Variants in SRPK2 observed in about 807,000 individuals in gnomAD.
SRPK2 encodes SFRS protein kinase 2.
In SRPK2, 21 loss-of-function variants were observed where a neutral mutation model predicts 90.8. That is an observed-to-expected ratio of 0.23 (90% CI 0.16 to 0.33). The LOEUF (loss-of-function observed/expected upper bound fraction) is 0.33, where lower values mean the gene tolerates loss of function less well. SRPK2 is among the 10% of genes least tolerant of loss of function. The probability of loss-of-function intolerance (pLI) is 1.00; values close to 1 mark genes in which losing one functional copy is unlikely to be tolerated. For synonymous variants in SRPK2, 288 were observed against 311.1 expected, an observed-to-expected ratio of 0.93 and a Z score of 0.78; for missense variants, 620 against 869.0, an observed-to-expected ratio of 0.71 and a Z score of 3.60.
Position 105,160,584 on chromosome 7 carries a change from G to A in SRPK2, c.544C>T (p.His182Tyr). Reference sequence around the variant, plus strand: ...TTGATGATCCACTTGAGGAGATGGTGGCCAAGTACTTCGAAGACCATGCAG... The same window carrying A: ...TTGATGATCCACTTGAGGAGATGGTAGCCAAGTACTTCGAAGACCATGCAG... The part of the protein sequence containing the change: ...HVCMVFEVLG[H>Y]HLLKWIIKSN... Residue 182 changes from histidine (H) to tyrosine (Y), a missense_variant, in exon 7 of 16, where the codon CAC becomes TAC. Transcript: ENST00000393651. 1 of 1,613,386 alleles carries A rather than the reference G, an allele frequency of 6.2e-7. No individual in the cohort carries two copies. Among genetic ancestry groups the A allele is most frequent in the South Asian group, 1.1e-5 (1 of 91,056 alleles).
chr7:105,268,485 A>T (rs1235018423), intron 2 of SRPK2, among the ~76,000 whole-genome samples: 2 of 152,206 alleles, frequency 1.3e-5, no homozygotes, highest in Non-Finnish European at 2.9e-5. Context: ...ATTTCCCTTT[A>T]AAAAAGCAAG....
At chr7:105,231,487 C>A (rs1400317746) in intron 2 of SRPK2, among the ~76,000 whole-genome samples, 1 of 152,166 alleles carries the variant, frequency 6.6e-6, no homozygotes, top group Admixed American at 6.5e-5. Context: ...TGAGGGATCA[C>A]CATACTGCTT....
intron 2 of SRPK2, among the ~76,000 whole-genome samples, chr7:105,378,384 G>C (rs927736770): frequency 6.6e-6 from 1 of 151,990 alleles, no homozygotes; most frequent in Admixed American, 6.6e-5. Flanking sequence ...AAAAACTTAC[G>C]ACACAATATT....
chr7:105,362,021 CCAT>C (rs1313247460), intron 2 of SRPK2, among the ~76,000 whole-genome samples: 1 of 152,086 alleles, frequency 6.6e-6, no homozygotes, highest in Non-Finnish European at 1.5e-5. Context: ...AAAGAAACTA[CCAT>C]CAGAGTGAAC....
chr7:105,189,962 T>C (rs1794073411), intron 3 of SRPK2: 1 of 152,566 alleles, frequency 6.6e-6, no homozygotes, highest in African/African-American at 2.4e-5. Context: ...TGCAGACATA[T>C]GAACTGGTCT....
chr7:105,297,088 G>A (rs547557530), intron 2 of SRPK2, among the ~76,000 whole-genome samples: 1 of 152,218 alleles, frequency 6.6e-6, no homozygotes, highest in East Asian at 1.9e-4. Context: ...CCATCTACTG[G>A]ACAATACTCT....
chr7:105,142,753 C>G (rs1803977359), intron 10 of SRPK2, among the ~76,000 whole-genome samples: 1 of 152,130 alleles, frequency 6.6e-6, no homozygotes, highest in Non-Finnish European at 1.5e-5. Flanking sequence ...CATTTCTACC[C>G]TCTATAATCT....
In SRPK2 at chr7:105,355,333, G is replaced by GAA. The variant is rs113908560; in HGVS notation, c.71+33313_71+33314dup. Among the ~76,000 whole-genome samples the GAA allele has an allele frequency of 4.7e-3, 696 of 147,422 alleles. 12 individuals are homozygous for GAA. In the East Asian group the frequency reaches 0.055, roughly 12 times the overall value. ...CAACACGGCAAGACCTCATCTCTACGAAAAAAAAAAAATTTTTTTTTCATT... is the reference window on the plus strand; with the variant it reads ...CAACACGGCAAGACCTCATCTCTACGAAAAAAAAAAAAAATTTTTTTTTCATT... On this transcript the variant is annotated intron_variant, in intron 2 of 15. Coordinates refer to ENST00000393651, the MANE Select transcript of SRPK2 (RefSeq NM_182692.3).
chr7:105,170,283 G>A (rs1048360773), intron 3 of SRPK2, among the ~76,000 whole-genome samples: 3 of 152,060 alleles, frequency 2.0e-5, no homozygotes, highest in African/African-American at 7.2e-5. Flanking sequence ...TACATTAATG[G>A]TTTATTAATA....
chr7:105,170,863 GAAAGAAAGAAAGAA>G (rs1563025289), intron 3 of SRPK2, among the ~76,000 whole-genome samples: 1 of 78,384 alleles, frequency 1.3e-5, no homozygotes, highest in Admixed American at 1.6e-4. Flanking sequence ...AAGAAAGAAA[GAAAGAAAGAAAGAA>G]AGAAAGAAAG....
chr7:105,281,148 G>A (rs1025508986), intron 2 of SRPK2, among the ~76,000 whole-genome samples: 4 of 151,378 alleles, frequency 2.6e-5, no homozygotes, highest in African/African-American at 7.3e-5. Context: ...CCAGGCTGGA[G>A]TATAGTAGCG....
chr7:105,385,513 C>A (rs1446033528), intron 2 of SRPK2, among the ~76,000 whole-genome samples: 1 of 152,140 alleles, frequency 6.6e-6, no homozygotes, highest in East Asian at 1.9e-4. Context: ...GAACCTGTCC[C>A]TTCCACATGT....
chr7:105,397,227 A>G (rs1645256210), intron 1 of SRPK2, among the ~76,000 whole-genome samples: 3 of 152,000 alleles, frequency 2.0e-5, no homozygotes, highest in Admixed American at 2.0e-4. Context: ...CATGTTGGCC[A>G]GGATGGTCTC....
At chr7:105,341,507 T>C (rs1815791216) in intron 2 of SRPK2, among the ~76,000 whole-genome samples, 1 of 152,074 alleles carries the variant, frequency 6.6e-6, no homozygotes, top group East Asian at 1.9e-4. Flanking sequence ...ACCCCATCTC[T>C]ACTAAAAATA....
chr7:105,223,985 T>C (rs1482910947), intron 2 of SRPK2, among the ~76,000 whole-genome samples: 1 of 152,178 alleles, frequency 6.6e-6, no homozygotes, highest in Non-Finnish European at 1.5e-5. Flanking sequence ...AATTTAGATA[T>C]ATATTCCCCA....
At position 105,168,400 on chromosome 7, in the gene SRPK2, T is replaced by C. The variant is rs143992005; in HGVS notation, c.339-305A>G. On this transcript the variant is annotated intron_variant, in intron 4 of 15. Transcript: ENST00000393651. The stretch of plus-strand genomic sequence containing the variant: ...ATTTTGTGTTTAGATCTGGGTCACA[T>C]CTCCAAGATAGGTCATTGTGTATAT... 9.0e-4 allele frequency among the ~76,000 whole-genome samples: 137 copies of C among 152,266 alleles called. 3 individuals are homozygous for C. The highest frequency in any genetic ancestry group is 3.2e-3 in the African/African-American group (131 of 41,550).
chr7:105,142,349 C>T lies in SRPK2; in HGVS notation c.1202G>A (p.Gly401Asp). 1.2e-6 allele frequency: 2 copies of T among 1,614,056 alleles called. No individual in the cohort carries two copies. The highest frequency in any genetic ancestry group is 8.5e-7 in the Non-Finnish European group (1 of 1,180,004). ...SPKTNGHIEN[G>D]PFSLEQQLDD... ...CAGTTGCTGCTCCAGTGAGAATGGG[C>T]CATTCTCAATATGGCCATTGGTTTT... Residue 401 changes from glycine to aspartate, a missense_variant, in exon 11 of 16, where the codon GGC (glycine) becomes GAC (aspartate). This residue lies in a region of SRPK2 where 243 missense variants were observed against 245.7 expected (regional missense o/e 0.99). Transcript: ENST00000393651.
intron 9 of SRPK2, chr7:105,143,678 A>T: frequency 4.0e-6 from 1 of 251,344 alleles, no homozygotes. Context: ...GCTGCTGTCT[A>T]TATACAAAGT....
intron 2 of SRPK2, among the ~76,000 whole-genome samples, chr7:105,284,115 A>G (rs1807712570): frequency 6.6e-6 from 1 of 152,214 alleles, no homozygotes; most frequent in Non-Finnish European, 1.5e-5. Context: ...GTATGTAACT[A>G]AGCCAGGATA....
Sources: gnomAD v4.1 joint callset for allele counts (sites outside exome capture counted in the v4.1 genomes callset) on GRCh38, gnomAD v4.1.1 for gene constraint, gnomAD v4.1.1 regional missense constraint, MANE v1.5 for transcripts, NCBI Gene and HGNC (gene_info 2026-07-23, HGNC 2026-07-21) for gene names.